APBA1: variants seen among roughly 807,000 people sequenced by gnomAD.
APBA1 encodes amyloid beta precursor protein binding family A member 1.
APBA1 carries 55 observed loss-of-function variants against 86.6 expected under a neutral mutation model. The ratio of observed to expected loss-of-function variants is 0.64; its 90% confidence interval spans 0.51 to 0.80. The LOEUF (loss-of-function observed/expected upper bound fraction) is 0.80. Among genes scored for constraint, APBA1 ranks in the 30% least tolerant of loss-of-function variants. The pLI is 0.00. For synonymous variants in APBA1, 511 were observed against 493.9 expected (o/e 1.03, Z -0.46); for missense variants, 1,090 against 1,183.0 (o/e 0.92, Z 1.15).
At chr9:69,549,486 C>G (rs908940541) in intron 1 of APBA1, among the ~76,000 whole-genome samples, 17 of 152,132 alleles carry the variant, frequency 1.1e-4, no homozygotes, top group Non-Finnish European at 2.5e-4. Context: ...CACTTTTTGC[C>G]ACTTCGATCC....
At chr9:69,616,329 G>A (rs185562530) in intron 1 of APBA1, among the ~76,000 whole-genome samples, 3 of 152,298 alleles carry the variant, frequency 2.0e-5, no homozygotes, top group Non-Finnish European at 4.4e-5. Flanking sequence ...TGGGAAAGTT[G>A]AGATCCATAT....
At chr9:69,614,852 GA>G (rs1258973966) in intron 1 of APBA1, among the ~76,000 whole-genome samples, 2 of 152,138 alleles carry the variant, frequency 1.3e-5, no homozygotes, top group African/African-American at 4.8e-5. Flanking sequence ...ACTTTTATTT[GA>G]AATATTGTTA....
chr9:69,594,495 A>G (rs918126926), intron 1 of APBA1, among the ~76,000 whole-genome samples: 3 of 152,192 alleles, frequency 2.0e-5, no homozygotes, highest in Admixed American at 6.5e-5. Context: ...AAGGTAAACT[A>G]AGGAATGTGA....
intron 1 of APBA1, among the ~76,000 whole-genome samples, chr9:69,531,714 G>A (rs1437530991): frequency 2.6e-5 from 4 of 152,224 alleles, no homozygotes; most frequent in African/African-American, 9.6e-5. Flanking sequence ...TGAGGCTCAG[G>A]TGAAGCCAGG....
chr9:69,461,671 A>C (rs1054879483), intron 5 of APBA1: 2 of 152,194 alleles, frequency 1.3e-5, no homozygotes, highest in Non-Finnish European at 2.9e-5. Context: ...GAGGCTAATT[A>C]ACTTGCCCCA....
intron 1 of APBA1, among the ~76,000 whole-genome samples, chr9:69,570,096 C>T (rs1837092261): frequency 6.6e-6 from 1 of 152,188 alleles, no homozygotes; most frequent in Non-Finnish European, 1.5e-5. Flanking sequence ...GTGCAGGAGT[C>T]ATCTGGAGCA....
intron 2 of APBA1, among the ~76,000 whole-genome samples, chr9:69,500,793 C>T (rs1261903666): frequency 2.0e-5 from 3 of 151,986 alleles, no homozygotes; most frequent in African/African-American, 7.3e-5. Context: ...AGAGCGAAGC[C>T]CGGACTTTAT....
intron 12 of APBA1, 85 bp from the exon 13 acceptor site, chr9:69,431,483 G>T: frequency 8.4e-7 from 1 of 1,186,102 alleles, no homozygotes. Flanking sequence ...CAGAGAGGCA[G>T]TGCCTCTCCC....
chr9:69,627,529 G>A (rs914943524), intron 1 of APBA1, among the ~76,000 whole-genome samples: 2 of 152,128 alleles, frequency 1.3e-5, no homozygotes, highest in African/African-American at 4.8e-5. Context: ...GATGGTGTGT[G>A]TGTGCCATCT....
chr9:69,435,314 A>ATG (rs1253642807), intron 11 of APBA1, among the ~76,000 whole-genome samples: 1 of 152,164 alleles, frequency 6.6e-6, no homozygotes, highest in East Asian at 1.9e-4. Context: ...ATACCCAGTA[A>ATG]TGGGATGGCT....
intron 1 of APBA1, among the ~76,000 whole-genome samples, chr9:69,527,099 G>C (rs1247515271): frequency 6.6e-6 from 1 of 151,998 alleles, no homozygotes; most frequent in Non-Finnish European, 1.5e-5. Flanking sequence ...ACAGAGGAGG[G>C]TATGGGTTGA....
chr9:69,593,227 T>A (rs1822164995), intron 1 of APBA1, among the ~76,000 whole-genome samples: 1 of 151,846 alleles, frequency 6.6e-6, no homozygotes, highest in Non-Finnish European at 1.5e-5. Context: ...TTTCTTCTTA[T>A]CAGAATATTT....
At chr9:69,451,114 T>G (rs1027262000) in intron 9 of APBA1, among the ~76,000 whole-genome samples, 1 of 152,202 alleles carries the variant, frequency 6.6e-6, no homozygotes, top group Admixed American at 6.5e-5. Flanking sequence ...ATAACCGGCA[T>G]GGGGTACAAA....
chr9:69,491,764 AT>A (rs151248069), intron 2 of APBA1, among the ~76,000 whole-genome samples: 17,401 of 132,094 alleles, frequency 0.13, 1,200 homozygotes, highest in African/African-American at 0.23. Flanking sequence ...TATCCCTTGA[AT>A]TTTTTTTTTT....
intron 4 of APBA1, among the ~76,000 whole-genome samples, chr9:69,471,083 T>C (rs2133832731): frequency 6.6e-6 from 1 of 152,236 alleles, no homozygotes; most frequent in African/African-American, 2.4e-5. Context: ...GCCTCAGTTG[T>C]CTCATTATAA....
At chr9:69,458,343 TAATC>T (rs1158942534) in intron 5 of APBA1, among the ~76,000 whole-genome samples, 155 bp from the exon 6 acceptor site, 1 of 152,210 alleles carries the variant, frequency 6.6e-6, no homozygotes, top group African/African-American at 2.4e-5. Flanking sequence ...AGTCTAAAGA[TAATC>T]AATGTCGTAA....
At chr9:69,513,925 T>C (rs1397833095) in intron 2 of APBA1, among the ~76,000 whole-genome samples, 3 of 152,192 alleles carry the variant, frequency 2.0e-5, no homozygotes, top group Admixed American at 1.3e-4. Flanking sequence ...AAATTGAATA[T>C]AAGCTCTTGA....
chr9:69,522,620 A>G (rs11139084), intron 1 of APBA1, among the ~76,000 whole-genome samples: 86,034 of 152,050 alleles, frequency 0.57, 26,123 homozygotes, highest in Non-Finnish European at 0.67. Flanking sequence ...CCTGGTGATA[A>G]GTGCAAAATA....
chr9:69,488,531 T>A (rs573175517), intron 2 of APBA1, among the ~76,000 whole-genome samples: 4 of 152,270 alleles, frequency 2.6e-5, no homozygotes, highest in Admixed American at 6.5e-5. Flanking sequence ...AGAATGGTGG[T>A]CATCATTTCA....
Sources: allele counts gnomAD v4.1 joint callset (sites outside exome capture counted in the v4.1 genomes callset), GRCh38; gene constraint gnomAD v4.1.1; transcripts MANE v1.5; gene names NCBI Gene and HGNC (gene_info 2026-07-23, HGNC 2026-07-21).